RNF220: variants seen among roughly 807,000 people sequenced by gnomAD.
RNF220 encodes the protein ring finger protein 220, also known as E3 ubiquitin-protein ligase RNF220.
Under a neutral mutation model 67.1 loss-of-function variants are expected in RNF220, and 7 were observed. That is an observed-to-expected ratio of 0.10 (90% CI 0.06 to 0.20). RNF220 has a LOEUF of 0.20. Among genes scored for constraint, RNF220 ranks in the 10% least tolerant of loss-of-function variants. The probability of loss-of-function intolerance (pLI) is 1.00; values close to 1 mark genes in which losing one functional copy is unlikely to be tolerated. For missense variants in RNF220, 565 were observed against 740.3 expected, an observed-to-expected ratio of 0.76 and a Z score of 2.75; for synonymous variants, 270 against 283.2, an observed-to-expected ratio of 0.95 and a Z score of 0.47.
At chr1:44,416,216 A>G (rs6700921) in intron 2 of RNF220, among the ~76,000 whole-genome samples, 139,094 of 152,214 alleles carry the variant, frequency 0.91, 63,889 homozygotes, top group Middle Eastern at 0.97. Flanking sequence ...CCCAGGAAGG[A>G]GACTGAGGTA....
At position 44,465,144 on chromosome 1, in the gene RNF220, A is replaced by G. The variant is rs958050495; in HGVS notation, c.625+52422A>G. On this transcript the variant is annotated intron_variant, in intron 2 of 14. Coordinates refer to ENST00000361799, the MANE Select transcript of RNF220 (RefSeq NM_018150.4). ...TCAAGTCTGCGTGACCTGAAAACCC[A>G]TACTGTTTCTACACTATCATAATAT... Among the ~76,000 whole-genome samples the G allele has an allele frequency of 2.0e-5, 3 of 152,170 alleles. No homozygotes were observed. In the East Asian group the frequency reaches 5.8e-4, roughly 29 times the overall value.
intron 9 of RNF220, 27 bp from the exon 10 acceptor site, chr1:44,644,968 A>G: frequency 1.2e-6 from 2 of 1,612,120 alleles, no homozygotes. Flanking sequence ...GCAAACTAGG[A>G]TCCATTGTCC....
chr1:44,420,085 C>A (rs1236139934), intron 2 of RNF220, among the ~76,000 whole-genome samples: 1 of 152,240 alleles, frequency 6.6e-6, no homozygotes, highest in East Asian at 1.9e-4. Flanking sequence ...CACATGTAAC[C>A]ATCTGGCAAT....
intron 2 of RNF220, among the ~76,000 whole-genome samples, chr1:44,493,651 C>T (rs549349753): frequency 1.6e-3 from 249 of 152,170 alleles, no homozygotes; most frequent in African/African-American, 5.5e-3. Flanking sequence ...CTAAGCATTT[C>T]GGATAAGGGA....
chr1:44,648,608 T>G (rs1355492037), intron 12 of RNF220: 1 of 152,190 alleles, frequency 6.6e-6, no homozygotes, highest in Admixed American at 6.5e-5. Context: ...GGTGCAGGGC[T>G]TGGCCCACAC....
chr1:44,540,808 G>A (rs1161559156), intron 2 of RNF220, among the ~76,000 whole-genome samples: 1 of 152,056 alleles, frequency 6.6e-6, no homozygotes, highest in African/African-American at 2.4e-5. Context: ...GTCCAGAACC[G>A]AGGGAGGTGT....
chr1:44,431,511 AAAAAAAAAAG>A (rs904625263), intron 2 of RNF220, among the ~76,000 whole-genome samples: 18 of 152,126 alleles, frequency 1.2e-4, no homozygotes, highest in African/African-American at 4.3e-4. Context: ...AAAAAAAAAA[AAAAAAAAAAG>A]AAGTGGTCAA....
chr1:44,547,986 C>T (rs968595849), intron 2 of RNF220, among the ~76,000 whole-genome samples: 10 of 152,124 alleles, frequency 6.6e-5, no homozygotes, highest in Admixed American at 5.9e-4. Context: ...CACATCAACT[C>T]GCAACTTGTT....
intron 2 of RNF220, among the ~76,000 whole-genome samples, chr1:44,470,567 G>T (rs1005872618): frequency 1.3e-5 from 2 of 152,178 alleles, no homozygotes; most frequent in Admixed American, 1.3e-4. Flanking sequence ...TTCTCTGACA[G>T]TCTCCACTCC....
At chr1:44,414,111 C>T (rs1648286391) in intron 2 of RNF220, among the ~76,000 whole-genome samples, 1 of 152,254 alleles carries the variant, frequency 6.6e-6, no homozygotes, top group Non-Finnish European at 1.5e-5. Flanking sequence ...TAGTGTTGCC[C>T]TCTCACTTTG....
intron 2 of RNF220, among the ~76,000 whole-genome samples, chr1:44,485,001 G>T (rs1557971046): frequency 6.6e-6 from 1 of 152,132 alleles, no homozygotes; most frequent in Admixed American, 6.5e-5. Flanking sequence ...AAATTAGCTG[G>T]GCATGGTGGC....
intron 2 of RNF220, among the ~76,000 whole-genome samples, chr1:44,509,714 G>A (rs1658785601): frequency 6.6e-6 from 1 of 150,466 alleles, no homozygotes; most frequent in African/African-American, 2.4e-5. Flanking sequence ...ATGGCAAAAC[G>A]CCATCTCTAC....
In RNF220 at chr1:44,419,773, G is replaced by A. The variant is rs192966049; in HGVS notation, c.625+7051G>A. 3.3e-3 allele frequency: 507 copies of A among 152,188 alleles called. 8 individuals carry two copies. The highest frequency in any genetic ancestry group is 0.012 in the African/African-American group (491 of 41,528). The allele number at this position is 152,188 out of a possible 1,614,324, so 9.4% of individuals were successfully genotyped here. ...GTTTCATGATGATGAAGGTAGGGAG[G>A]GAGTTTTCCAAGAATTTGTGAAATC... On this transcript the variant is annotated intron_variant, in intron 2 of 14. Transcript: ENST00000361799.
intron 2 of RNF220, among the ~76,000 whole-genome samples, chr1:44,564,775 A>G (rs1013098063): frequency 1.4e-4 from 20 of 147,866 alleles, no homozygotes; most frequent in African/African-American, 5.0e-4. Context: ...AAAAAGAACC[A>G]CTATTCTGTT....
chr1:44,551,130 T>TC (rs1203689972), intron 2 of RNF220, among the ~76,000 whole-genome samples: 2 of 147,016 alleles, frequency 1.4e-5, no homozygotes, highest in Admixed American at 6.8e-5. Context: ...TTTTTTTTTT[T>TC]TTTTTTTTTT....
intron 2 of RNF220, among the ~76,000 whole-genome samples, chr1:44,478,431 G>A (rs1362010420): frequency 6.6e-6 from 1 of 151,828 alleles, no homozygotes. Context: ...AAAAAAAAAA[G>A]GGAAGAACTG....
chr1:44,595,437 G>A (rs535921801), intron 2 of RNF220, among the ~76,000 whole-genome samples: 5 of 152,322 alleles, frequency 3.3e-5, no homozygotes, highest in East Asian at 1.9e-4. Flanking sequence ...CTGGCTCCCC[G>A]GGACAGACTA....
At chr1:44,411,195 T>C (rs1363719965) in intron 1 of RNF220, among the ~76,000 whole-genome samples, 2 of 152,248 alleles carry the variant, frequency 1.3e-5, no homozygotes, top group Non-Finnish European at 2.9e-5. Context: ...AGAGAGCGTA[T>C]GCCAAAGGCA....
At chr1:44,636,430 G>A (rs1467872599) in intron 8 of RNF220, 8 of 718,424 alleles carry the variant, frequency 1.1e-5, no homozygotes, top group African/African-American at 5.2e-5. Flanking sequence ...GTGATGCATT[G>A]AAGGTGACAG....
Sources: allele counts gnomAD v4.1 joint callset (sites outside exome capture counted in the v4.1 genomes callset), GRCh38; gene constraint gnomAD v4.1.1; transcripts MANE v1.5; gene names NCBI Gene and HGNC (gene_info 2026-07-23, HGNC 2026-07-21).